C2orf80: variants seen among roughly 807,000 people sequenced by gnomAD.
The protein encoded by C2orf80 is uncharacterized protein C2orf80.
A neutral mutation model predicts 30.2 loss-of-function variants in C2orf80; 28 were observed. The ratio of observed to expected loss-of-function variants is 0.93; its 90% CI spans 0.69 to 1.27. The LOEUF (loss-of-function observed/expected upper bound fraction) is 1.27, where lower values mean the gene tolerates loss of function less well. Ranked by LOEUF, C2orf80 falls within the 50% of genes most tolerant of loss-of-function variation. The pLI is 0.00. For missense variants in C2orf80, 220 were observed against 231.0 expected, an observed-to-expected ratio of 0.95 and a Z score of 0.31; for synonymous variants, 80 against 76.4, an observed-to-expected ratio of 1.05 and a Z score of -0.24.
intron 4 of C2orf80, 71 bp from the exon 5 acceptor site, chr2:208,181,376 G>T: frequency 1.0e-6 from 1 of 975,354 alleles, no homozygotes; most frequent in Non-Finnish European, 1.6e-6. Context: ...AGGTTGTGAT[G>T]ATAATCGATA....
chr2:208,185,887 A>G (rs532329265), intron 2 of C2orf80, among the ~76,000 whole-genome samples: 33 of 152,298 alleles, frequency 2.2e-4, no homozygotes, highest in Admixed American at 3.3e-4. Flanking sequence ...TGAAATTCCA[A>G]TTATTTGGAT....
intron 6 of C2orf80, among the ~76,000 whole-genome samples, chr2:208,173,634 A>T (rs1459604568): frequency 2.6e-5 from 4 of 151,988 alleles, no homozygotes; most frequent in Non-Finnish European, 5.9e-5. Flanking sequence ...CAAAAAAACA[A>T]AAACAAAAAC....
chr2:208,176,979 A>ATAT (rs1696362858), intron 6 of C2orf80, among the ~76,000 whole-genome samples: 16 of 98,352 alleles, frequency 1.6e-4, no homozygotes, highest in Non-Finnish European at 2.7e-4. Flanking sequence ...ACATATATAC[A>ATAT]GAAATGTATA....
chr2:208,180,829 A>C lies in C2orf80; in HGVS notation c.295-13T>G. 1 of 1,604,960 alleles carries C rather than the reference A, an allele frequency of 6.2e-7. No individual in the cohort carries two copies. The highest frequency in any genetic ancestry group is 8.5e-7 in the Non-Finnish European group (1 of 1,172,910). On this transcript the variant is annotated splice_polypyrimidine_tract_variant and intron_variant, in intron 5 of 8. Coordinates refer to ENST00000341287, the MANE Select transcript of C2orf80 (RefSeq NM_001099334.3). ...TCGGGATACTGTTCTGTTAAACAAC[A>C]ACAGCAATAACAAAGTATGATCATA...
intron 6 of C2orf80, among the ~76,000 whole-genome samples, chr2:208,176,878 T>C (rs1214384592): frequency 2.5e-5 from 3 of 119,894 alleles, no homozygotes; most frequent in African/African-American, 6.0e-5. Flanking sequence ...TATACATATG[T>C]ATACATAGGT....
rs1219081808 is a variant in C2orf80 at position 208,183,033 on chromosome 2, C to T, written c.138G>A (p.Leu46=). 2.5e-6 allele frequency: 4 copies of T among 1,613,978 alleles called. No homozygotes were observed. Among genetic ancestry groups the T allele is most frequent in the Non-Finnish European group, 3.4e-6 (4 of 1,179,864 alleles). Residue 46 remains leucine, a synonymous_variant, in exon 4 of 9, where the codon TTG becomes TTA. Transcript: ENST00000341287. The stretch of plus-strand genomic sequence containing the variant: ...GCCATTGCAAAGCAACACTGATGGC[C>T]AAGTCATAGTGTGCCTGGGAGCAGG... ...TFLDDMAHYD[L]AISVALQWLD...
At chr2:208,167,655 C>T (rs769331949) in intron 8 of C2orf80, among the ~76,000 whole-genome samples, 11 of 152,052 alleles carry the variant, frequency 7.2e-5, no homozygotes, top group Non-Finnish European at 1.6e-4. Context: ...CGGCTTAGTA[C>T]AACCTCTGCC....
intron 2 of C2orf80, among the ~76,000 whole-genome samples, chr2:208,185,320 A>G (rs764456863): frequency 2.0e-5 from 3 of 152,214 alleles, no homozygotes; most frequent in Non-Finnish European, 4.4e-5. Context: ...CCACACACAG[A>G]AATGGTTTTA....
rs1696546465 is a variant in C2orf80, at chr2:208,181,203, T to C, written c.294+15A>G. The C allele has an allele frequency of 6.6e-7, 1 of 1,509,044 alleles. No homozygotes were observed. Among genetic ancestry groups the C allele is most frequent in the Non-Finnish European group, 9.2e-7 (1 of 1,085,014 alleles). The allele number at this position is 1,509,044 out of a possible 1,614,324, so 93.5% of individuals were successfully genotyped here. On this transcript the variant is annotated intron_variant, in intron 5 of 8. Transcript: ENST00000341287. The stretch of plus-strand genomic sequence containing the variant: ...ATGAAATATTCATATAGGCAGATAG[T>C]ATTCTTTTCCTTACCATTAAGATTC...
intron 6 of C2orf80, 72 bp downstream of exon 6, chr2:208,180,673 C>T: frequency 8.5e-7 from 1 of 1,173,752 alleles, no homozygotes; most frequent in Non-Finnish European, 1.2e-6. Flanking sequence ...GAAAATACAA[C>T]ATTATACATT....
At chr2:208,166,535 T>A (rs1038631452) in intron 8 of C2orf80, among the ~76,000 whole-genome samples, 1 of 152,228 alleles carries the variant, frequency 6.6e-6, no homozygotes, top group African/African-American at 2.4e-5. Flanking sequence ...TCTGATGTAT[T>A]GCTTTGGATT....
intron 2 of C2orf80, among the ~76,000 whole-genome samples, chr2:208,185,940 T>C (rs1203946680): frequency 6.6e-6 from 1 of 152,212 alleles, no homozygotes; most frequent in Non-Finnish European, 1.5e-5. Flanking sequence ...TGGTTTGTTC[T>C]TTACTATTCT....
chr2:208,171,755 A>T (rs1310671388), intron 7 of C2orf80, among the ~76,000 whole-genome samples: 1 of 150,004 alleles, frequency 6.7e-6, no homozygotes, highest in Non-Finnish European at 1.5e-5. Flanking sequence ...ACAGTTTTAG[A>T]TCCTTTGCTT....
At chr2:208,170,398 C>T (rs918994791) in intron 8 of C2orf80, among the ~76,000 whole-genome samples, 1 of 152,170 alleles carries the variant, frequency 6.6e-6, no homozygotes, top group Non-Finnish European at 1.5e-5. Flanking sequence ...TGTCCATCTC[C>T]GACCATTCTC....
intron 8 of C2orf80, 47 bp downstream of exon 8, chr2:208,170,898 C>A: frequency 6.7e-7 from 1 of 1,484,860 alleles, no homozygotes; most frequent in South Asian, 1.1e-5. Context: ...AAAGTACTCC[C>A]AAAATAGCTG....
chr2:208,184,011 T>C (rs1046654498), intron 3 of C2orf80, among the ~76,000 whole-genome samples: 2 of 152,194 alleles, frequency 1.3e-5, no homozygotes, highest in Non-Finnish European at 2.9e-5. Flanking sequence ...TTTTAAACGG[T>C]GGAATTATTT....
In C2orf80 at chr2:208,180,801, C is replaced by A; in HGVS notation, c.310G>T (p.Glu104Ter). The A allele has an allele frequency of 6.2e-7, 1 of 1,613,484 alleles. No individual in the cohort carries two copies. Among genetic ancestry groups the A allele is most frequent in the Non-Finnish European group, 8.5e-7 (1 of 1,179,626 alleles). The change falls in exon 6 of 9, where the codon GAG (glutamate) becomes TAG (stop). Residue 104 changes from glutamate to a stop codon, truncating the protein, a stop_gained. Coordinates refer to ENST00000341287, the MANE Select transcript of C2orf80 (RefSeq NM_001099334.3). LOFTEE classifies it high-confidence loss of function. Reference sequence around the variant, plus strand: ...GCCCCATAAATTTTAAAGACTTCCTCAATCGGGATACTGTTCTGTTAAACA... The same window carrying A: ...GCCCCATAAATTTTAAAGACTTCCTAAATCGGGATACTGTTCTGTTAAACA... ...AGILMNSIPI[E>*]EVFKIYGADS...
Position 208,172,054 on chromosome 2 carries a change from A to G in C2orf80, c.388T>C (p.Cys130Arg), listed in dbSNP as rs6435421. ...TIKVPRVSSL[C>R]LSLHPFAMLT... ...ATGGCAAAGGGGTGCAAGGAGAGGC[A>G]GAGAGATGAAACTCGGGGAACCTGA... Residue 130 changes from cysteine (C) to arginine (R), a missense_variant, in exon 7 of 9, where the codon TGC (cysteine) becomes CGC (arginine). By Grantham distance (180) the Cys-to-Arg change is radical. Transcript: ENST00000341287. 1,609,191 of 1,613,794 alleles carry G rather than the reference A, an allele frequency of 1. 802,400 individuals carry two copies. Among genetic ancestry groups the G allele is most frequent in the East Asian group, 1 (44,870 of 44,870 alleles).
chr2:208,175,737 GT>G (rs61472314), intron 6 of C2orf80, among the ~76,000 whole-genome samples: 54,264 of 149,124 alleles, frequency 0.36, 10,914 homozygotes, highest in East Asian at 0.72. Flanking sequence ...TTGCAATATC[GT>G]TTTTTTTTTT....
Sources: allele counts gnomAD v4.1 joint callset (sites outside exome capture counted in the v4.1 genomes callset), GRCh38; gene constraint gnomAD v4.1.1; transcripts MANE v1.5; gene names NCBI Gene and HGNC (gene_info 2026-07-23, HGNC 2026-07-21).